The following IRX1 variants were observed in gnomAD, a reference collection of about 807,000 sequenced individuals.
IRX1 encodes iroquois-class homeodomain protein IRX-1.
IRX1 carries 22 observed loss-of-function variants against 34.1 expected under a neutral mutation model. That is an observed-to-expected ratio of 0.64 (90% CI 0.46 to 0.92). The LOEUF is 0.92. IRX1 is among the 40% of genes least tolerant of loss of function. The pLI is 0.00. For missense variants in IRX1, 758 were observed against 680.0 expected (o/e 1.11, Z -1.28); for synonymous variants, 363 against 319.0 (o/e 1.14, Z -1.47).
chr5:3,599,767 C>A lies in IRX1; in HGVS notation c.819C>A (p.Asp273Glu). ...AAGGCTCGCCGCTGGCAGCAGCCGA[C>A]GTTCTCAAGCCCCAGGACTCGCCCT... ...RDQGSPLAAA[D>E]VLKPQDSPLG... Residue 273 changes from aspartate (D) to glutamate (E), a missense_variant, in exon 2 of 4, where the codon GAC (aspartate) becomes GAA (glutamate). Coordinates refer to ENST00000302006, the MANE Select transcript of IRX1 (RefSeq NM_024337.4). The surrounding 1 kb of genome is among the most constrained non-coding windows in gnomAD (Gnocchi z 6.6). 1 of 1,609,110 alleles carries A rather than the reference C, an allele frequency of 6.2e-7. No homozygotes were observed. The highest frequency in any genetic ancestry group is 8.5e-7 in the Non-Finnish European group (1 of 1,178,646).
chr5:3,597,269 C>T (rs1223686741), intron 1 of IRX1, among the ~76,000 whole-genome samples: 2 of 152,226 alleles, frequency 1.3e-5, no homozygotes, highest in East Asian at 3.9e-4. Flanking sequence ...CGGTCCAAAT[C>T]ATCCATTTTC....
rs757318402 is a variant in IRX1 at position 3,601,034 on chromosome 5, C to T, written c.1437C>T (p.Ser479=). The T allele has an allele frequency of 2.5e-6, 4 of 1,599,808 alleles. No individual in the cohort carries two copies. Among genetic ancestry groups the T allele is most frequent in the Admixed American group, 3.4e-5 (2 of 58,944 alleles). The change falls in exon 4 of 4, where the codon TCC becomes TCT. Residue 479 remains serine, a synonymous_variant. Coordinates refer to ENST00000302006, the MANE Select transcript of IRX1 (RefSeq NM_024337.4). ...CGCGGATCCTAGCAGCCCTCCCGTCCGCCTGATTAAGGGTCTTCTTTTACT... is the reference window on the plus strand; with the variant it reads ...CGCGGATCCTAGCAGCCCTCCCGTCTGCCTGATTAAGGGTCTTCTTTTACT... The part of the protein sequence containing the change: ...GTPRILAALP[S]A
At position 3,595,863 on chromosome 5, in the gene IRX1, C is replaced by T. The variant is rs1228545067; in HGVS notation, c.-243C>T. 6.6e-6 allele frequency among the ~76,000 whole-genome samples: 1 copy of T among 150,966 alleles called. No homozygotes were observed. Among genetic ancestry groups the T allele is most frequent in the African/African-American group, 2.4e-5 (1 of 41,308 alleles). ...GAAAGCCCCGCCGCCGAGCGGAGGG[C>T]GGCCGCCGCAGTCGGCGCGCGATTG... On this transcript the variant is annotated 5_prime_UTR_variant, in exon 1 of 4. Coordinates refer to ENST00000302006, the MANE Select transcript of IRX1 (RefSeq NM_024337.4).
At chr5:3,598,842 G>A (rs1404522174) in intron 1 of IRX1, among the ~76,000 whole-genome samples, 1 of 152,186 alleles carries the variant, frequency 6.6e-6, no homozygotes, top group Admixed American at 6.5e-5. Context: ...TGGAAATGCA[G>A]GTTTCTCCAG....
chr5:3,600,629 C>T lies in IRX1; in HGVS notation c.1333C>T (p.Pro445Ser), dbSNP rs6884950. 3.1e-6 allele frequency: 5 copies of T among 1,613,632 alleles called. No homozygotes were observed. In the South Asian group the frequency reaches 3.3e-5, roughly 11 times the overall value. The change falls in exon 3 of 4, where the codon CCA becomes TCA. Residue 445 changes from proline (P) to serine (S), a missense_variant. By Grantham distance (74) the Pro-to-Ser change is moderately conservative (BLOSUM62 -1). Coordinates refer to ENST00000302006, the MANE Select transcript of IRX1 (RefSeq NM_024337.4). ...TLPERDLVPR[P>S]DSPAQQLKSP... ...CGCAGAGAGAGACCTCGTCCCCAGG[C>T]CAGATTCGCCGGCACAGCAGTTAAA...
chr5:3,599,604 A>G lies in IRX1; in HGVS notation c.656A>G (p.Asp219Gly), dbSNP rs1733897870. ...GAGGGCGACCCGGAGAAGGCCGAGGACGACGAGGAGATCGACCTGGAAAGC... is the reference window on the plus strand; with the variant it reads ...GAGGGCGACCCGGAGAAGGCCGAGGGCGACGAGGAGATCGACCTGGAAAGC... ...DTEGDPEKAE[D>G]DEEIDLESID... The change falls in exon 2 of 4, where the codon GAC becomes GGC. Residue 219 changes from aspartate (D) to glycine (G), a missense_variant. Transcript: ENST00000302006. The surrounding 1 kb of genome is among the most constrained non-coding windows in gnomAD (Gnocchi z 6.6). The G allele has an allele frequency of 6.2e-7, 1 of 1,614,032 alleles. No individual in the cohort carries two copies. Among genetic ancestry groups the G allele is most frequent in the Non-Finnish European group, 8.5e-7 (1 of 1,180,032 alleles).
chr5:3,599,710 G>T lies in IRX1; in HGVS notation c.762G>T (p.Ala254=), dbSNP rs755256764. 14 of 1,612,542 alleles carry T rather than the reference G, an allele frequency of 8.7e-6. No homozygotes were observed. The highest frequency in any genetic ancestry group is 3.3e-5 in the Admixed American group (2 of 59,982). ...AGGACAAGGCCGAGGCTCCGCACGCGCCCGCAGCCCCTTCTGCTCTTGCCC... is the reference window on the plus strand; with the variant it reads ...AGGACAAGGCCGAGGCTCCGCACGCTCCCGCAGCCCCTTCTGCTCTTGCCC... ...DDEDKAEAPH[A]PAAPSALARD... Residue 254 remains alanine (A), a synonymous_variant, in exon 2 of 4, where the codon GCG becomes GCT. Coordinates refer to ENST00000302006, the MANE Select transcript of IRX1 (RefSeq NM_024337.4). The surrounding 1 kb of genome is among the most constrained non-coding windows in gnomAD (Gnocchi z 6.6).
Position 3,600,691 on chromosome 5 carries a change from G to C in IRX1, c.1385+10G>C. The C allele has an allele frequency of 1.9e-6, 3 of 1,589,048 alleles. No individual in the cohort carries two copies. Among genetic ancestry groups the C allele is most frequent in the Middle Eastern group, 3.4e-4 (2 of 5,956 alleles). ...AGCCGGTACGCGACAAGTGAGTGCT[G>C]TTTGCTTTTGCTATGGGAGAAGGCG... is the stretch of plus-strand genomic sequence containing the variant. On this transcript the variant is annotated intron_variant, in intron 3 of 3. Transcript: ENST00000302006.
Position 3,601,011 on chromosome 5 carries a change from C to T in IRX1, c.1414C>T (p.Arg472Trp). The T allele has an allele frequency of 6.3e-7, 1 of 1,592,838 alleles. No individual in the cohort carries two copies. Among genetic ancestry groups the T allele is most frequent in the Non-Finnish European group, 8.6e-7 (1 of 1,168,022 alleles). The stretch of plus-strand genomic sequence containing the variant: ...TCTGGCCCCGCAGGAGGGAACGCCG[C>T]GGATCCTAGCAGCCCTCCCGTCCGC... ...NSLAPQEGTP[R>W]ILAALPSA is the part of the protein sequence containing the mutation. Residue 472 changes from arginine to tryptophan, a missense_variant, in exon 4 of 4, where the codon CGG (arginine) becomes TGG (tryptophan). This residue lies in a region of IRX1 where 529 missense variants were observed against 418.8 expected (regional missense o/e 1.26). Transcript: ENST00000302006.
Position 3,599,150 on chromosome 5 carries a change from G to A in IRX1, c.277-75G>A. ...CCACTCTCCCGTCTTGGGGACTCAT[G>A]TCTCTCTCTCTCTCTCCCTTTCTCT... is the stretch of plus-strand genomic sequence containing the variant. On this transcript the variant is annotated intron_variant, in intron 1 of 3. Transcript: ENST00000302006. The surrounding 1 kb of genome is among the most constrained non-coding windows in gnomAD (Gnocchi z 6.6). 1 of 1,344,840 alleles carries A rather than the reference G, an allele frequency of 7.4e-7. No individual in the cohort carries two copies. Among genetic ancestry groups the A allele is most frequent in the Admixed American group, 2.3e-5 (1 of 43,814 alleles). The allele number at this position is 1,344,840 out of a possible 1,614,324, so 83.3% of individuals were successfully genotyped here.
chr5:3,599,661 G>T lies in IRX1; in HGVS notation c.713G>T (p.Gly238Val). 6.2e-7 allele frequency: 1 copy of T among 1,613,732 alleles called. No homozygotes were observed. The highest frequency in any genetic ancestry group is 1.7e-5 in the Admixed American group (1 of 60,028). The stretch of plus-strand genomic sequence containing the variant: ...ATTGACAAGATCGACGAGCACGATG[G>T]CGACCAGAGCAACGAGGATGACGAG... The part of the protein sequence containing the change: ...IDIDKIDEHD[G>V]DQSNEDDEDK... The change falls in exon 2 of 4, where the codon GGC (glycine) becomes GTC (valine). Residue 238 changes from glycine (G) to valine (V), a missense_variant. Physicochemically the swap from Gly to Val is moderately radical, Grantham distance 109. Around this residue, in one of 3 missense-constraint regions of IRX1, gnomAD observed 529 missense variants for 418.8 expected, o/e 1.26. Coordinates refer to ENST00000302006, the MANE Select transcript of IRX1 (RefSeq NM_024337.4). The surrounding 1 kb of genome is among the most constrained non-coding windows in gnomAD (Gnocchi z 6.6).
rs1733945659 is a variant in IRX1, at chr5:3,600,798, G to T, written c.1385+117G>T. 6.0e-6 allele frequency: 7 copies of T among 1,173,514 alleles called. No individual in the cohort carries two copies. The Admixed American group carries it at 1.3e-4, about 22-fold the overall frequency. 72.7% of individuals were successfully genotyped at this position (1,173,514 alleles called of 1,614,324 possible). A position where few individuals can be genotyped will look rare whatever the true frequency, so the allele number is the denominator to read the frequency against. ...TGGGGGTCGCGCAGTCCTAGTTGAA[G>T]GAGCGCTCCCCGCCAGCCCTGGGCG... On this transcript the variant is annotated intron_variant, in intron 3 of 3. Transcript: ENST00000302006.
intron 1 of IRX1, among the ~76,000 whole-genome samples, chr5:3,596,583 G>T (rs1026865547): frequency 6.6e-6 from 1 of 152,144 alleles, no homozygotes; most frequent in African/African-American, 2.4e-5. Flanking sequence ...TGACGGCTGG[G>T]CCATCTCGGC....
rs779415265 is a variant in IRX1, at chr5:3,600,010, C to T, written c.1062C>T (p.His354=). The change falls in exon 2 of 4, where the codon CAC becomes CAT. Residue 354 remains histidine, a synonymous_variant. Coordinates refer to ENST00000302006, the MANE Select transcript of IRX1 (RefSeq NM_024337.4). ...HGPSAGAPLQ[H]PAFLPSHGLY... Reference sequence around the variant, plus strand: ...CCTCCGCCGGGGCGCCGCTGCAACACCCCGCCTTCCTGCCTAGCCACGGAC... The same window carrying T: ...CCTCCGCCGGGGCGCCGCTGCAACATCCCGCCTTCCTGCCTAGCCACGGAC... 32 of 1,541,536 alleles carry T rather than the reference C, an allele frequency of 2.1e-5. No homozygotes were observed. In the East Asian group the frequency reaches 6.5e-4, roughly 31 times the overall value.
chr5:3,601,137 AAAGGACAAATATGACAACGACGTC>A lies in IRX1; in HGVS notation c.*104_*127del. On this transcript the variant is annotated 3_prime_UTR_variant, in exon 4 of 4. Coordinates refer to ENST00000302006, the MANE Select transcript of IRX1 (RefSeq NM_024337.4). Reference sequence around the variant, plus strand: ...TAAGACAAATATTTCAGACTGGTGTAAAGGACAAATATGACAACGACGTCAAGGACTCGCATCCGTCGCTTTCTG... The same window carrying A: ...TAAGACAAATATTTCAGACTGGTGTAAAGGACTCGCATCCGTCGCTTTCTG... 8.7e-7 allele frequency: 1 copy of A among 1,148,566 alleles called. No individual in the cohort carries two copies. Among genetic ancestry groups the A allele is most frequent in the East Asian group, 2.4e-5 (1 of 41,088 alleles). 71.1% of individuals were successfully genotyped at this position (1,148,566 alleles called of 1,614,324 possible).
chr5:3,600,822 C>T (rs530294741), intron 3 of IRX1, 141 bp downstream of exon 3: 1 of 1,144,622 alleles, frequency 8.7e-7, no homozygotes, highest in South Asian at 1.3e-5. Flanking sequence ...CAGCCCTGGG[C>T]GCCGGGCGAG....
Position 3,600,145 on chromosome 5 carries a change from C to A in IRX1, c.1197C>A (p.Ala399=). The change falls in exon 2 of 4, where the codon GCC becomes GCA. Residue 399 remains alanine (A), a synonymous_variant. Coordinates refer to ENST00000302006, the MANE Select transcript of IRX1 (RefSeq NM_024337.4). ...RSFLGVGAPH[A]APHGPHLPAP... is the part of the protein sequence containing the mutation. ...TCCTGGGCGTTGGCGCTCCCCACGC[C>A]GCGCCCCATGGCCCTCACCTTCCTG... 6.2e-7 allele frequency: 1 copy of A among 1,613,158 alleles called. No individual in the cohort carries two copies. The highest frequency in any genetic ancestry group is 1.1e-5 in the South Asian group (1 of 91,074).
At chr5:3,598,083 C>T (rs1252866843) in intron 1 of IRX1, among the ~76,000 whole-genome samples, 2 of 152,132 alleles carry the variant, frequency 1.3e-5, no homozygotes, top group Non-Finnish European at 2.9e-5. Flanking sequence ...TTCTCCAGCT[C>T]TCCCACTGGT....
At position 3,599,696 on chromosome 5, in the gene IRX1, G is replaced by C; in HGVS notation, c.748G>C (p.Glu250Gln). ...QSNEDDEDKA[E>Q]APHAPAAPSA... Reference sequence around the variant, plus strand: ...CAACGAGGATGACGAGGACAAGGCCGAGGCTCCGCACGCGCCCGCAGCCCC... The same window carrying C: ...CAACGAGGATGACGAGGACAAGGCCCAGGCTCCGCACGCGCCCGCAGCCCC... The change falls in exon 2 of 4, where the codon GAG becomes CAG. Residue 250 changes from glutamate to glutamine, a missense_variant. Coordinates refer to ENST00000302006, the MANE Select transcript of IRX1 (RefSeq NM_024337.4). This position sits in a 1 kb window ranked among gnomAD's most constrained non-coding sequence, Gnocchi z 6.6. 6.2e-7 allele frequency: 1 copy of C among 1,613,062 alleles called. No homozygotes were observed. Among genetic ancestry groups the C allele is most frequent in the Non-Finnish European group, 8.5e-7 (1 of 1,179,972 alleles).
Sources: allele counts gnomAD v4.1 joint callset (sites outside exome capture counted in the v4.1 genomes callset), GRCh38; gene constraint gnomAD v4.1.1; regional missense constraint gnomAD v4.1.1; non-coding constraint Gnocchi (gnomAD v3.1); transcripts MANE v1.5; gene names NCBI Gene and HGNC (gene_info 2026-07-23, HGNC 2026-07-21).